Variants in DLG2 observed in about 807,000 individuals in gnomAD.
The protein encoded by DLG2 is disks large homolog 2.
DLG2 carries 45 observed loss-of-function variants against 132.5 expected under a neutral mutation model. That is an observed-to-expected ratio of 0.34 (90% CI 0.27 to 0.44). The LOEUF (loss-of-function observed/expected upper bound fraction) is 0.44, where lower values mean the gene tolerates loss of function less well. DLG2 is among the 20% of genes least tolerant of loss of function. DLG2 has a pLI of 1.00. For synonymous variants in DLG2, 424 were observed against 419.6 expected, an observed-to-expected ratio of 1.01 and a Z score of -0.13; for missense variants, 1,045 against 1,196.9, an observed-to-expected ratio of 0.87 and a Z score of 1.87.
At chr11:84,655,216 T>C (rs2099686781) in intron 6 of DLG2, among the ~76,000 whole-genome samples, 1 of 152,146 alleles carries the variant, frequency 6.6e-6, no homozygotes, top group Non-Finnish European at 1.5e-5. Context: ...TCCCGTCCCA[T>C]TCCAATCTCC....
chr11:85,215,764 T>A (rs1204875442), intron 4 of DLG2, among the ~76,000 whole-genome samples: 1 of 152,172 alleles, frequency 6.6e-6, no homozygotes, highest in Non-Finnish European at 1.5e-5. Flanking sequence ...AAACCCAAGT[T>A]CCTACCACCC....
chr11:84,127,203 C>A (rs866192540), intron 9 of DLG2, among the ~76,000 whole-genome samples: 2 of 152,094 alleles, frequency 1.3e-5, no homozygotes, highest in African/African-American at 4.8e-5. Flanking sequence ...TCAGAGAGTG[C>A]GCCAAACCAC....
At chr11:84,695,089 T>TC (rs2058481088) in intron 6 of DLG2, among the ~76,000 whole-genome samples, 1 of 151,370 alleles carries the variant, frequency 6.6e-6, no homozygotes, top group Non-Finnish European at 1.5e-5. Flanking sequence ...GGTAAAATGG[T>TC]CCCCCCTTCT....
rs1020838232 is a variant in DLG2, at chr11:85,134,121, G to A, written c.282+20435C>T. ...AATAAAAATCGAAAATCAATGATTC[G>A]CTTTCACTAGGAAGAAAATACATAG... is the stretch of plus-strand genomic sequence containing the variant. On this transcript the variant is annotated intron_variant, in intron 5 of 27. Transcript: ENST00000376104. Among the ~76,000 whole-genome samples the A allele has an allele frequency of 7.2e-5, 11 of 152,040 alleles. No individual in the cohort carries two copies. The South Asian group carries it at 8.3e-4, about 11-fold the overall frequency.
chr11:84,664,455 A>G (rs1419650723), intron 6 of DLG2, among the ~76,000 whole-genome samples: 3 of 152,204 alleles, frequency 2.0e-5, no homozygotes, highest in East Asian at 1.9e-4. Flanking sequence ...AAATGTTTAT[A>G]GTGCTTTGAA....
chr11:85,551,043 T>A (rs1222878741), intron 3 of DLG2, among the ~76,000 whole-genome samples: 2 of 152,210 alleles, frequency 1.3e-5, no homozygotes, highest in Admixed American at 6.5e-5. Flanking sequence ...AATTTTAGGA[T>A]AAAATCCTGA....
chr11:84,527,764 T>C (rs1203401261), intron 7 of DLG2, among the ~76,000 whole-genome samples: 1 of 152,228 alleles, frequency 6.6e-6, no homozygotes, highest in Non-Finnish European at 1.5e-5. Flanking sequence ...CAAGATGCCA[T>C]TGATCTTAAG....
At chr11:84,312,205 C>G (rs1241552719) in intron 7 of DLG2, among the ~76,000 whole-genome samples, 1 of 152,148 alleles carries the variant, frequency 6.6e-6, no homozygotes, top group Non-Finnish European at 1.5e-5. Context: ...GGCGCAGTGG[C>G]TCACACTTGT....
chr11:83,768,110 A>G (rs1336897999), intron 18 of DLG2, among the ~76,000 whole-genome samples: 1 of 152,220 alleles, frequency 6.6e-6, no homozygotes, highest in East Asian at 1.9e-4. Context: ...TACTGACAAT[A>G]AAACTCATCC....
At chr11:84,050,298 C>T (rs929911181) in intron 11 of DLG2, among the ~76,000 whole-genome samples, 3 of 151,548 alleles carry the variant, frequency 2.0e-5, no homozygotes, top group South Asian at 2.1e-4. Context: ...TCAAGAATGT[C>T]GACAGGCTGC....
At chr11:85,377,666 G>T (rs2085510812) in intron 3 of DLG2, among the ~76,000 whole-genome samples, 1 of 151,486 alleles carries the variant, frequency 6.6e-6, no homozygotes, top group African/African-American at 2.4e-5. Context: ...CTTAATAATT[G>T]GACTCAAGCC....
intron 4 of DLG2, among the ~76,000 whole-genome samples, chr11:85,168,036 G>A (rs373012868): frequency 5.9e-4 from 90 of 152,100 alleles, no homozygotes; most frequent in Non-Finnish European, 1.1e-3. Flanking sequence ...AATAAAACTA[G>A]GCACAACCTA....
intron 6 of DLG2, among the ~76,000 whole-genome samples, chr11:84,979,008 C>T (rs2055335685): frequency 6.6e-6 from 1 of 152,106 alleles, no homozygotes; most frequent in African/African-American, 2.4e-5. Flanking sequence ...AAGATATGAA[C>T]AGACACTTCT....
intron 8 of DLG2, among the ~76,000 whole-genome samples, chr11:84,166,670 G>A (rs1596473200): frequency 6.6e-6 from 1 of 152,060 alleles, no homozygotes; most frequent in East Asian, 1.9e-4. Flanking sequence ...TCTCTACAGT[G>A]GTTGCTTACT....
At chr11:83,493,375 C>G (rs191303216) in intron 21 of DLG2, among the ~76,000 whole-genome samples, 1 of 71,288 alleles carries the variant, frequency 1.4e-5, no homozygotes, top group African/African-American at 5.9e-5. Context: ...TTCCTTCCTT[C>G]CTTCCTTCCT....
At position 85,496,697 on chromosome 11, in the gene DLG2, T is replaced by C. The variant is rs374797447; in HGVS notation, c.40+101960A>G. On this transcript the variant is annotated intron_variant, in intron 3 of 27. Coordinates refer to ENST00000376104, the MANE Select transcript of DLG2 (RefSeq NM_001142699.3). ...CCAACAGACACCTCATACACGCTCG[T>C]GCCCCTCTCAGATGAAGCTCTCAGA... Among the ~76,000 whole-genome samples the C allele has an allele frequency of 9.3e-4, 141 of 152,222 alleles. 1 individual carries two copies. Among genetic ancestry groups the C allele is most frequent in the African/African-American group, 3.3e-3 (139 of 41,546 alleles).
intron 14 of DLG2, among the ~76,000 whole-genome samples, chr11:83,948,417 A>C (rs1026655062): frequency 6.6e-6 from 1 of 152,170 alleles, no homozygotes; most frequent in Non-Finnish European, 1.5e-5. Context: ...CCAGAATGAC[A>C]GGCATTAAGG....
rs150479296 is a variant in DLG2, at chr11:83,674,873, A to C, written c.1826-41548T>G. 3.7e-3 allele frequency among the ~76,000 whole-genome samples: 570 copies of C among 152,348 alleles called. 3 individuals are homozygous for C. The highest frequency in any genetic ancestry group is 9.8e-3 in the African/African-American group (406 of 41,596). ...ATTGTCTGTTCTTTGGAAAGAAGCT[A>C]GATAGAAAAATGAATATTTAGGAGC... On this transcript the variant is annotated intron_variant, in intron 18 of 27. Transcript: ENST00000376104.
At chr11:84,417,795 T>C (rs866196323) in intron 7 of DLG2, among the ~76,000 whole-genome samples, 1 of 152,192 alleles carries the variant, frequency 6.6e-6, no homozygotes, top group African/African-American at 2.4e-5. Flanking sequence ...ATTATTTTCC[T>C]GGCTTTTAAA....
Sources: allele counts gnomAD v4.1 joint callset (sites outside exome capture counted in the v4.1 genomes callset), GRCh38; gene constraint gnomAD v4.1.1; transcripts MANE v1.5; gene names NCBI Gene and HGNC (gene_info 2026-07-23, HGNC 2026-07-21).